Variants in MICU1 observed in about 807,000 individuals in gnomAD.
MICU1 encodes mitochondrial calcium uptake 1.
In MICU1, 45 loss-of-function variants were observed where a neutral mutation model predicts 56.8. The observed-to-expected ratio is 0.79, with a 90% CI of 0.62 to 1.02. The LOEUF (loss-of-function observed/expected upper bound fraction) is 1.02, where lower values mean the gene tolerates loss of function less well. Among genes scored for constraint, MICU1 ranks in the 50% least tolerant of loss-of-function variants. The pLI is 0.00. For missense variants in MICU1, 504 were observed against 587.1 expected, an observed-to-expected ratio of 0.86 and a Z score of 1.46; for synonymous variants, 186 against 195.1, an observed-to-expected ratio of 0.95 and a Z score of 0.39.
chr10:72,543,280 A>G (rs979410143), intron 4 of MICU1, among the ~76,000 whole-genome samples: 1 of 152,216 alleles, frequency 6.6e-6, no homozygotes, highest in African/African-American at 2.4e-5. Context: ...GGAAAAAAAC[A>G]TTAGTGCAAA....
chr10:72,607,125 G>A (rs948730333), intron 1 of MICU1, among the ~76,000 whole-genome samples: 1 of 152,104 alleles, frequency 6.6e-6, no homozygotes, highest in Non-Finnish European at 1.5e-5. Context: ...TGGCTCACAG[G>A]AGGTCAGGAG....
intron 6 of MICU1, among the ~76,000 whole-genome samples, chr10:72,505,785 GAAC>G (rs1867225936): frequency 6.6e-6 from 1 of 152,074 alleles, no homozygotes; most frequent in Non-Finnish European, 1.5e-5. Flanking sequence ...ATAAAGATGG[GAAC>G]AACTGACACT....
At chr10:72,423,437 T>C (rs527613932) in intron 8 of MICU1, 66 bp from the exon 9 acceptor site, 20 of 1,539,868 alleles carry the variant, frequency 1.3e-5, no homozygotes, top group East Asian at 4.6e-5. Flanking sequence ...GAACACGGAA[T>C]GATCAGCTGT....
intron 6 of MICU1, among the ~76,000 whole-genome samples, chr10:72,499,496 T>C (rs1866955342): frequency 6.6e-6 from 1 of 152,218 alleles, no homozygotes. Context: ...CTTTTGGCCT[T>C]ACAATATGCA....
chr10:72,597,504 T>C (rs1211452594), intron 1 of MICU1, among the ~76,000 whole-genome samples: 1 of 152,178 alleles, frequency 6.6e-6, no homozygotes, highest in African/African-American at 2.4e-5. Flanking sequence ...ATAAGTGTTT[T>C]GGACTTTTAG....
At chr10:72,481,990 A>G (rs1866313313) in intron 6 of MICU1, among the ~76,000 whole-genome samples, 2 of 152,210 alleles carry the variant, frequency 1.3e-5, no homozygotes, top group Admixed American at 6.5e-5. Context: ...GACAATCATG[A>G]TAATAATAAT....
At chr10:72,391,764 A>C (rs571386740) in intron 10 of MICU1, among the ~76,000 whole-genome samples, 30 of 152,342 alleles carry the variant, frequency 2.0e-4, no homozygotes, top group African/African-American at 7.0e-4. Context: ...AATTAGGAAA[A>C]ATGTATGTAG....
intron 4 of MICU1, among the ~76,000 whole-genome samples, chr10:72,535,446 C>G (rs146099868): frequency 7.6e-4 from 115 of 152,244 alleles, no homozygotes; most frequent in African/African-American, 2.7e-3. Context: ...TTATAGAAAA[C>G]AGAGACTCAA....
At chr10:72,429,792 T>C (rs2132153723) in intron 8 of MICU1, among the ~76,000 whole-genome samples, 1 of 152,340 alleles carries the variant, frequency 6.6e-6, no homozygotes, top group African/African-American at 2.4e-5. Flanking sequence ...ATCAGTAACA[T>C]ATCTGAGTGC....
chr10:72,576,275 AGGCATG>A (rs1840743347), intron 1 of MICU1, among the ~76,000 whole-genome samples: 1 of 151,374 alleles, frequency 6.6e-6, no homozygotes, highest in African/African-American at 2.4e-5. Flanking sequence ...CTTATGAGGA[AGGCATG>A]TCAAAAGCCA....
chr10:72,504,037 T>C (rs1358677447), intron 6 of MICU1, among the ~76,000 whole-genome samples: 1 of 152,178 alleles, frequency 6.6e-6, no homozygotes, highest in Non-Finnish European at 1.5e-5. Flanking sequence ...AGAATTAATA[T>C]TGTTAAAATG....
intron 6 of MICU1, among the ~76,000 whole-genome samples, chr10:72,485,594 G>A (rs1054070713): frequency 1.3e-5 from 2 of 151,174 alleles, no homozygotes; most frequent in African/African-American, 4.9e-5. Flanking sequence ...AGTATGTCCA[G>A]GGTCATAGAG....
chr10:72,587,655 A>G (rs1197872225), intron 1 of MICU1, among the ~76,000 whole-genome samples: 1 of 151,890 alleles, frequency 6.6e-6, no homozygotes, highest in Non-Finnish European at 1.5e-5. Flanking sequence ...ATGGTGGTGC[A>G]CGTCTGTAAT....
chr10:72,512,435 A>G (rs1399074619), intron 5 of MICU1, among the ~76,000 whole-genome samples: 1 of 152,084 alleles, frequency 6.6e-6, no homozygotes, highest in Non-Finnish European at 1.5e-5. Flanking sequence ...AGCCATACTT[A>G]ACTCCCAAAT....
chr10:72,533,746 C>G lies in MICU1; in HGVS notation c.537G>C (p.Lys179Asn). 6.2e-7 allele frequency: 1 copy of G among 1,601,028 alleles called. No homozygotes were observed. Among genetic ancestry groups the G allele is most frequent in the East Asian group, 2.2e-5 (1 of 44,642 alleles). Residue 179 changes from lysine to asparagine, a missense_variant and splice_region_variant, in exon 5 of 12, where the codon AAG becomes AAC. By Grantham distance (94) the Lys-to-Asn change is moderately conservative (BLOSUM62 0). Coordinates refer to ENST00000361114, the MANE Select transcript of MICU1 (RefSeq NM_001195518.2). ...DQYIIKRFDG[K>N]KISQEREKFA... ...TATAGAAGTGTCATAGTTTGCTCAC[C>G]TTTCCATCAAAGCGTTTTATTATAT... is the stretch of plus-strand genomic sequence containing the variant.
chr10:72,475,230 T>G lies in MICU1; in HGVS notation c.803A>C (p.Asn268Thr). ...TGAACACAAGCCAGACTTGAGGGTG[T>G]TGCCAGTAGTTGGACGATCTCTGTG... is the stretch of plus-strand genomic sequence containing the variant. Reference protein sequence around the residue: ...MRHRDRPTTGNTLKSGLCSAL... With the variant: ...MRHRDRPTTGTTLKSGLCSAL... The change falls in exon 8 of 12, where the codon AAC becomes ACC. Residue 268 changes from asparagine to threonine, a missense_variant. Transcript: ENST00000361114. 2 of 1,610,630 alleles carry G rather than the reference T, an allele frequency of 1.2e-6. No homozygotes were observed. The highest frequency in any genetic ancestry group is 1.7e-6 in the Non-Finnish European group (2 of 1,178,330).
chr10:72,542,306 T>C (rs1326636705), intron 4 of MICU1, among the ~76,000 whole-genome samples: 2 of 152,192 alleles, frequency 1.3e-5, no homozygotes, highest in Non-Finnish European at 2.9e-5. Flanking sequence ...TCATGGGCCA[T>C]ACAGAAATAG....
At chr10:72,456,469 G>A (rs1865460680) in intron 8 of MICU1, among the ~76,000 whole-genome samples, 1 of 152,114 alleles carries the variant, frequency 6.6e-6, no homozygotes, top group Non-Finnish European at 1.5e-5. Flanking sequence ...GCCAGGTCAT[G>A]AGAGCCCTAT....
At chr10:72,435,385 CA>C (rs34955776) in intron 8 of MICU1, among the ~76,000 whole-genome samples, 2,897 of 48,030 alleles carry the variant, frequency 0.06, 53 homozygotes, top group African/African-American at 0.12. Flanking sequence ...GACCCTGTTA[CA>C]AAAAAAAAAA....
Sources: allele counts gnomAD v4.1 joint callset (sites outside exome capture counted in the v4.1 genomes callset), GRCh38; gene constraint gnomAD v4.1.1; transcripts MANE v1.5; gene names NCBI Gene and HGNC (gene_info 2026-07-23, HGNC 2026-07-21).